The following CDH8 variants were observed in gnomAD, a reference collection of about 807,000 sequenced individuals.
CDH8 encodes the protein cadherin-8.
Under a neutral mutation model 68.1 loss-of-function variants are expected in CDH8, and 17 were observed. The observed-to-expected ratio is 0.25, with a 90% CI of 0.17 to 0.37. CDH8 has a LOEUF of 0.37. Ranked by LOEUF, CDH8 falls within the 10% of genes least tolerant of loss-of-function variation. CDH8 has a pLI of 1.00. For missense variants in CDH8, 763 were observed against 999.3 expected (o/e 0.76, Z 3.19); for synonymous variants, 372 against 365.1 (o/e 1.02, Z -0.21).
At chr16:61,715,026 A>G (rs1964698579) in intron 9 of CDH8, among the ~76,000 whole-genome samples, 1 of 151,670 alleles carries the variant, frequency 6.6e-6, no homozygotes, top group African/African-American at 2.4e-5. Context: ...CAGAACTTTT[A>G]GCAGCTATGG....
At chr16:61,831,437 G>T (rs1040042965) in intron 4 of CDH8, among the ~76,000 whole-genome samples, 1 of 151,722 alleles carries the variant, frequency 6.6e-6, no homozygotes, top group Non-Finnish European at 1.5e-5. Context: ...TCAATCAAAT[G>T]GAGATTTTCC....
chr16:61,672,340 G>T (rs566806147), intron 10 of CDH8, among the ~76,000 whole-genome samples: 2 of 152,102 alleles, frequency 1.3e-5, no homozygotes, highest in African/African-American at 4.8e-5. Flanking sequence ...GAATATTTTT[G>T]AATATCATAG....
intron 8 of CDH8, among the ~76,000 whole-genome samples, chr16:61,785,340 G>C (rs1277467124): frequency 4.9e-5 from 5 of 101,940 alleles, no homozygotes; most frequent in Non-Finnish European, 9.5e-5. Context: ...AAATCTAGAA[G>C]AAATGGATAC....
intron 2 of CDH8, among the ~76,000 whole-genome samples, chr16:61,989,814 C>T (rs756242823): frequency 7.2e-5 from 9 of 125,590 alleles, no homozygotes; most frequent in African/African-American, 1.4e-4. Flanking sequence ...ATTGAGATTA[C>T]GCTAAGGGTA....
chr16:61,883,065 A>G (rs1476222522), intron 3 of CDH8, among the ~76,000 whole-genome samples: 1 of 152,202 alleles, frequency 6.6e-6, no homozygotes, highest in African/African-American at 2.4e-5. Context: ...CATTCTGGGT[A>G]AGCCTCAAGG....
chr16:61,833,856 T>A (rs1012054398), intron 4 of CDH8, among the ~76,000 whole-genome samples: 9 of 152,004 alleles, frequency 5.9e-5, no homozygotes, highest in Non-Finnish European at 1.0e-4. Context: ...ACTACTTGCT[T>A]TCTTCCTTTT....
In CDH8 at chr16:61,811,056, G is replaced by C. The variant is rs867708486; in HGVS notation, c.1277+6423C>G. Among the ~76,000 whole-genome samples the C allele has an allele frequency of 8.0e-5, 12 of 150,190 alleles. 1 individual carries two copies. The South Asian group carries it at 2.1e-3, about 26-fold the overall frequency. On this transcript the variant is annotated intron_variant, in intron 7 of 11. Transcript: ENST00000577390. The stretch of plus-strand genomic sequence containing the variant: ...AAAAAAAAAAAAAGAAGACTAGTTA[G>C]ATAACTGTGAAGGGCTTTGGTTTTT...
chr16:61,902,471 A>T (rs982598400), intron 2 of CDH8, among the ~76,000 whole-genome samples: 3 of 152,098 alleles, frequency 2.0e-5, no homozygotes, highest in Non-Finnish European at 2.9e-5. Flanking sequence ...TGAATTTTTA[A>T]AAGAAAAGCC....
At position 61,926,540 on chromosome 16, in the gene CDH8, A is replaced by C. The variant is rs1391848569; in HGVS notation, c.253-25067T>G. 2.0e-5 allele frequency among the ~76,000 whole-genome samples: 3 copies of C among 152,146 alleles called. No individual in the cohort carries two copies. The East Asian group carries it at 5.8e-4, about 29-fold the overall frequency. Reference sequence around the variant, plus strand: ...ATGAAAACCATTAGGTGGTAGAAGGACTTTTTTATATCCTTAGGGTTCTGT... The same window carrying C: ...ATGAAAACCATTAGGTGGTAGAAGGCCTTTTTTATATCCTTAGGGTTCTGT... On this transcript the variant is annotated intron_variant, in intron 2 of 11. Coordinates refer to ENST00000577390, the MANE Select transcript of CDH8 (RefSeq NM_001796.5).
chr16:61,802,093 T>C (rs931263012), intron 7 of CDH8, among the ~76,000 whole-genome samples: 1 of 141,430 alleles, frequency 7.1e-6, no homozygotes, highest in South Asian at 2.3e-4. Context: ...AGAGCAGTGG[T>C]TCTCCCAGCA....
intron 8 of CDH8, among the ~76,000 whole-genome samples, chr16:61,770,908 C>T (rs993567274): frequency 1.3e-5 from 2 of 151,948 alleles, no homozygotes; most frequent in Non-Finnish European, 2.9e-5. Flanking sequence ...CTAATGTTTT[C>T]TGTATTCACT....
rs559647443 is a variant in CDH8, at chr16:61,649,691, C to T, written c.*3917G>A. 2.0e-5 allele frequency: 3 copies of T among 152,086 alleles called. No homozygotes were observed. Among genetic ancestry groups the T allele is most frequent in the East Asian group, 1.9e-4 (1 of 5,146 alleles). The allele number at this position is 152,086 out of a possible 1,614,324, so 9.4% of individuals were successfully genotyped here. On this transcript the variant is annotated 3_prime_UTR_variant, in exon 12 of 12. Transcript: ENST00000577390. Reference sequence around the variant, plus strand: ...AAAGGCAATCAGAAGGTTATACATTCGTGAGATTCCCTGCAAAGCCAGTGA... The same window carrying T: ...AAAGGCAATCAGAAGGTTATACATTTGTGAGATTCCCTGCAAAGCCAGTGA...
chr16:61,837,968 A>C (rs1455361475), intron 4 of CDH8, among the ~76,000 whole-genome samples: 1 of 152,116 alleles, frequency 6.6e-6, no homozygotes. Flanking sequence ...CACTTAGAAC[A>C]GAAAGTGAGG....
intron 7 of CDH8, among the ~76,000 whole-genome samples, chr16:61,809,728 A>T (rs1228523441): frequency 6.6e-6 from 1 of 152,226 alleles, no homozygotes. Flanking sequence ...CAGGAACCTG[A>T]CTGCCCTCTT....
chr16:61,716,727 A>G (rs1474406740), intron 9 of CDH8, among the ~76,000 whole-genome samples: 2 of 151,698 alleles, frequency 1.3e-5, no homozygotes, highest in East Asian at 1.9e-4. Flanking sequence ...TATCCCATAA[A>G]CTGGTTATGA....
chr16:61,653,093 C>T lies in CDH8; in HGVS notation c.*515G>A. 1 of 1,257,382 alleles carries T rather than the reference C, an allele frequency of 8.0e-7. No homozygotes were observed. The highest frequency in any genetic ancestry group is 3.4e-5 in the South Asian group (1 of 29,016). The allele number at this position is 1,257,382 out of a possible 1,614,324, so 77.9% of individuals were successfully genotyped here. A position where few individuals can be genotyped will look rare whatever the true frequency, so the allele number is the denominator to read the frequency against. The stretch of plus-strand genomic sequence containing the variant: ...TCACCGTACTGTATAATCTAGGAGG[C>T]CTCTCAAAACTCCAAAAAGTTATAA... On this transcript the variant is annotated 3_prime_UTR_variant, in exon 12 of 12. Transcript: ENST00000577390.
intron 7 of CDH8, among the ~76,000 whole-genome samples, chr16:61,791,615 A>G (rs1038926031): frequency 1.3e-5 from 2 of 152,044 alleles, no homozygotes; most frequent in Admixed American, 6.6e-5. Context: ...CCCAGAGGCC[A>G]CAGTAAACAA....
chr16:61,654,060 C>A lies in CDH8; in HGVS notation c.1948G>T (p.Glu650Ter). 1 of 1,614,088 alleles carries A rather than the reference C, an allele frequency of 6.2e-7. No individual in the cohort carries two copies. The highest frequency in any genetic ancestry group is 1.7e-5 in the Admixed American group (1 of 60,018). ...TCATCATCTTTGATAATTAATGGTTCATTTTTATGCCGCCGTAGAGTTACA... is the reference window on the plus strand; with the variant it reads ...TCATCATCTTTGATAATTAATGGTTAATTTTTATGCCGCCGTAGAGTTACA... ...LFVTLRRHKN[E>*]PLIIKDDEDV... The change falls in exon 12 of 12, where the codon GAA becomes TAA. Residue 650 changes from glutamate to a stop codon, truncating the protein, a stop_gained. Transcript: ENST00000577390. LOFTEE classifies it high-confidence loss of function.
At chr16:62,011,140 C>G (rs1213599318) in intron 2 of CDH8, among the ~76,000 whole-genome samples, 1 of 152,066 alleles carries the variant, frequency 6.6e-6, no homozygotes, top group Non-Finnish European at 1.5e-5. Context: ...CTCAATATTC[C>G]TCAGCCCTTC....
Sources: gnomAD v4.1 joint callset for allele counts (sites outside exome capture counted in the v4.1 genomes callset) on GRCh38, gnomAD v4.1.1 for gene constraint, MANE v1.5 for transcripts, NCBI Gene and HGNC (gene_info 2026-07-23, HGNC 2026-07-21) for gene names.